STARD3: variants seen among roughly 807,000 people sequenced by gnomAD.
STARD3 encodes the protein stAR-related lipid transfer protein 3.
In STARD3, 39 loss-of-function variants were observed where a neutral mutation model predicts 62.0. That is an observed-to-expected ratio of 0.63 (90% CI 0.49 to 0.82). The LOEUF is 0.82. STARD3 is among the 40% of genes least tolerant of loss of function. The pLI is 0.00. For missense variants in STARD3, 543 were observed against 584.5 expected, an observed-to-expected ratio of 0.93 and a Z score of 0.73; for synonymous variants, 229 against 242.4, an observed-to-expected ratio of 0.94 and a Z score of 0.51.
At chr17:39,640,008 A>T (rs2056969178) in intron 1 of STARD3, among the ~76,000 whole-genome samples, 1 of 152,162 alleles carries the variant, frequency 6.6e-6, no homozygotes, top group Non-Finnish European at 1.5e-5. Context: ...GGTATTATTT[A>T]TCTGCCAGTC....
At position 39,653,484 on chromosome 17, in the gene STARD3, T is replaced by C; in HGVS notation, c.-48T>C. On this transcript the variant is annotated 5_prime_UTR_variant, in exon 2 of 15. Coordinates refer to ENST00000336308, the MANE Select transcript of STARD3 (RefSeq NM_006804.4). ...TCTGCCTCTGCCTCGCCCCCAGCCCTGCTGCTGAGGCCGCGCCCTCCCCGC... is the reference window on the plus strand; with the variant it reads ...TCTGCCTCTGCCTCGCCCCCAGCCCCGCTGCTGAGGCCGCGCCCTCCCCGC... 1 of 1,585,674 alleles carries C rather than the reference T, an allele frequency of 6.3e-7. No individual in the cohort carries two copies. The highest frequency in any genetic ancestry group is 8.5e-7 in the Non-Finnish European group (1 of 1,170,722).
intron 1 of STARD3, among the ~76,000 whole-genome samples, chr17:39,645,101 C>T (rs891703613): frequency 2.6e-5 from 4 of 152,106 alleles, no homozygotes; most frequent in Admixed American, 6.5e-5. Flanking sequence ...CTTCTGTCTG[C>T]GGGAAGGGGC....
chr17:39,652,082 T>C (rs2057083363), intron 1 of STARD3, among the ~76,000 whole-genome samples: 1 of 152,150 alleles, frequency 6.6e-6, no homozygotes. Flanking sequence ...TGGGCCTTGG[T>C]TGTCGTATCT....
chr17:39,641,099 C>T (rs1420264463), intron 1 of STARD3, among the ~76,000 whole-genome samples: 2 of 152,138 alleles, frequency 1.3e-5, no homozygotes, highest in Non-Finnish European at 2.9e-5. Context: ...GTGGTGCACA[C>T]CTGTAGGCTC....
At chr17:39,661,352 T>C in intron 13 of STARD3, 1 of 508,200 alleles carries the variant, frequency 2.0e-6, no homozygotes, top group Non-Finnish European at 3.6e-6. Flanking sequence ...AGACCATGGA[T>C]GGGGACCCGT....
rs2057098244 is a variant in STARD3, at chr17:39,653,613, C to T, written c.82C>T (p.His28Tyr). The T allele has an allele frequency of 6.2e-7, 1 of 1,613,232 alleles. No individual in the cohort carries two copies. The highest frequency in any genetic ancestry group is 8.5e-7 in the Non-Finnish European group (1 of 1,180,026). ...AVASLGSSLSHSQSLSSHLLP... is the reference protein window; with the variant it reads ...AVASLGSSLSYSQSLSSHLLP... ...GGCCTCCCTGGGCTCCTCACTGTCC[C>T]ACAGCCAGAGCCTCTCCTCGCACCT... Residue 28 changes from histidine to tyrosine, a missense_variant, in exon 2 of 15, where the codon CAC becomes TAC. Coordinates refer to ENST00000336308, the MANE Select transcript of STARD3 (RefSeq NM_006804.4).
intron 1 of STARD3, among the ~76,000 whole-genome samples, chr17:39,646,035 G>A (rs2057023570): frequency 1.3e-5 from 2 of 151,108 alleles, no homozygotes; most frequent in Non-Finnish European, 2.9e-5. Flanking sequence ...GGGACTACAG[G>A]TGCACACCAC....
rs973891470 is a variant in STARD3, at chr17:39,663,645, A to G, written c.*737A>G. On this transcript the variant is annotated 3_prime_UTR_variant, in exon 15 of 15. Coordinates refer to ENST00000336308, the MANE Select transcript of STARD3 (RefSeq NM_006804.4). Reference sequence around the variant, plus strand: ...CATGCCCCCCATTCCCCCCCCGCCCACCCCCCACTCCCCGCTTTCCTGACC... The same window carrying G: ...CATGCCCCCCATTCCCCCCCCGCCCGCCCCCCACTCCCCGCTTTCCTGACC... Among the ~76,000 whole-genome samples the G allele has an allele frequency of 2.2e-5, 1 of 45,834 alleles. No individual in the cohort carries two copies. Among genetic ancestry groups the G allele is most frequent in the African/African-American group, 8.7e-5 (1 of 11,558 alleles). 30.1% of individuals were successfully genotyped at this position (45,834 alleles called of 152,430 possible). A position where few individuals can be genotyped will look rare whatever the true frequency, so the allele number is the denominator to read the frequency against.
At chr17:39,655,435 C>T (rs1315698290) in intron 2 of STARD3, among the ~76,000 whole-genome samples, 4 of 151,948 alleles carry the variant, frequency 2.6e-5, no homozygotes, top group Admixed American at 6.6e-5. Flanking sequence ...CCTCCCATCT[C>T]GGCCTCTCAC....
chr17:39,662,210 ACT>A, intron 13 of STARD3, 39 bp from the exon 14 acceptor site: 1 of 1,584,204 alleles, frequency 6.3e-7, no homozygotes, highest in Non-Finnish European at 8.6e-7. Flanking sequence ...TCAGGGCCTC[ACT>A]CTGTTCCAAA....
intron 1 of STARD3, among the ~76,000 whole-genome samples, chr17:39,644,035 G>C (rs1454895563): frequency 1.3e-5 from 2 of 152,224 alleles, no homozygotes; most frequent in African/African-American, 2.4e-5. Flanking sequence ...GATCCTTCCT[G>C]ATTTGTGCTG....
chr17:39,644,672 CAA>C (rs3029516), intron 1 of STARD3, among the ~76,000 whole-genome samples: 10 of 112,478 alleles, frequency 8.9e-5, no homozygotes, highest in East Asian at 2.8e-4. Context: ...CCTGTCTCTA[CAA>C]AAAAAAAAAA....
In STARD3 at chr17:39,662,880, G is replaced by A. The variant is rs764153976; in HGVS notation, c.1310G>A (p.Arg437His). 27 of 1,611,986 alleles carry A rather than the reference G, an allele frequency of 1.7e-5. No individual in the cohort carries two copies. The highest frequency in any genetic ancestry group is 1.1e-4 in the South Asian group (10 of 90,868). Residue 437 changes from arginine to histidine, a missense_variant, in exon 15 of 15, where the codon CGC becomes CAC. By Grantham distance (29) the Arg-to-His change is conservative. Transcript: ENST00000336308. The stretch of plus-strand genomic sequence containing the variant: ...GAATTTGCCTTTCACCTGCGACAGC[G>A]CATCAGCGAGCTGGGGGCCCGGGCG... ...MFEFAFHLRQ[R>H]ISELGARA
rs929427176 is a variant in STARD3 at position 39,653,559 on chromosome 17, C to T, written c.28C>T (p.Arg10Ter). 15 of 1,606,416 alleles carry T rather than the reference C, an allele frequency of 9.3e-6. No individual in the cohort carries two copies. The highest frequency in any genetic ancestry group is 2.2e-5 in the East Asian group (1 of 44,890). The change falls in exon 2 of 15, where the codon CGA becomes TGA. Residue 10 changes from arginine to a stop codon, truncating the protein, a stop_gained. Transcript: ENST00000336308. LOFTEE classifies it high-confidence loss of function. ...GAGCAAGCTGCCCAGGGAGCTGACC[C>T]GAGACTTGGAGCGCAGCCTGCCTGC... Reference protein sequence around the residue: MSKLPRELTRDLERSLPAVA... With the variant: MSKLPRELT
chr17:39,659,785 C>T, intron 9 of STARD3: 1 of 464,312 alleles, frequency 2.2e-6, no homozygotes, highest in South Asian at 2.2e-5. Flanking sequence ...TGCTGTTCTG[C>T]CCCCTTGGCT....
chr17:39,647,568 G>T (rs1243977708), intron 1 of STARD3, among the ~76,000 whole-genome samples: 1 of 152,182 alleles, frequency 6.6e-6, no homozygotes, highest in Non-Finnish European at 1.5e-5. Flanking sequence ...TGAGCACTTT[G>T]GGGACTGCAC....
intron 1 of STARD3, among the ~76,000 whole-genome samples, chr17:39,646,209 T>G (rs538207600): frequency 6.6e-6 from 1 of 152,084 alleles, no homozygotes; most frequent in African/African-American, 2.4e-5. Flanking sequence ...TTTCTTGTCA[T>G]GGTAAAATAT....
At chr17:39,657,208 C>G (rs959439949) in intron 3 of STARD3, 123 bp downstream of exon 3, 1 of 936,050 alleles carries the variant, frequency 1.1e-6, no homozygotes. Context: ...TCCCATCCTT[C>G]GGGAGCCATC....
chr17:39,638,105 A>G lies in STARD3; in HGVS notation c.-52+874A>G, dbSNP rs1297577338. Among the ~76,000 whole-genome samples, 3 of 152,180 alleles carry G rather than the reference A, an allele frequency of 2.0e-5. No homozygotes were observed. In the East Asian group the frequency reaches 5.8e-4, roughly 29 times the overall value. Reference sequence around the variant, plus strand: ...GCCGGAAGTCTGGTAATTTCCTTACACTTTCTCCTCTCTTTCAAGTCCCAC... The same window carrying G: ...GCCGGAAGTCTGGTAATTTCCTTACGCTTTCTCCTCTCTTTCAAGTCCCAC... On this transcript the variant is annotated intron_variant, in intron 1 of 14. Coordinates refer to ENST00000336308, the MANE Select transcript of STARD3 (RefSeq NM_006804.4).
Sources: gnomAD v4.1 joint callset for allele counts (sites outside exome capture counted in the v4.1 genomes callset) on GRCh38, gnomAD v4.1.1 for gene constraint, MANE v1.5 for transcripts, NCBI Gene and HGNC (gene_info 2026-07-23, HGNC 2026-07-21) for gene names.